Variants in MZT2A observed in about 807,000 individuals in gnomAD.
MZT2A encodes the protein mitotic-spindle organizing protein 2A.
Under a neutral mutation model 12.4 loss-of-function variants are expected in MZT2A, and 8 were observed. The ratio of observed to expected loss-of-function variants is 0.64; its 90% confidence interval spans 0.38 to 1.16. The LOEUF is 1.16. Among genes scored for constraint, MZT2A ranks in the 50% most tolerant of loss-of-function variants. The pLI, the probability that MZT2A is intolerant of heterozygous loss-of-function variation, is 0.01. For missense variants in MZT2A, 181 were observed against 223.6 expected, an observed-to-expected ratio of 0.81 and a Z score of 1.22; for synonymous variants, 88 against 107.5, an observed-to-expected ratio of 0.82 and a Z score of 1.12.
At chr2:131,493,253 C>T, upstream of MZT2A, 1 of 1,348,086 alleles carries the variant, frequency 7.4e-7, no homozygotes, top group South Asian at 1.9e-5. Context: ...GGCGGCCCGG[C>T]GGCTCTGCCC....
intron 2 of MZT2A, among the ~76,000 whole-genome samples, chr2:131,477,630 G>A (rs2105268598): frequency 6.6e-6 from 1 of 151,048 alleles, no homozygotes; most frequent in East Asian, 1.9e-4. Flanking sequence ...CAGAGGGCGA[G>A]GAAGGCCTCT....
At chr2:131,479,163 C>T (rs1039605659), downstream of MZT2A, 5 of 1,346,490 alleles carry the variant, frequency 3.7e-6, no homozygotes, top group African/African-American at 5.8e-5. Flanking sequence ...ACATTTTCTA[C>T]CAGACACTGC....
At chr2:131,489,880 T>G (rs746086045) in intron 2 of MZT2A, 35 of 972,104 alleles carry the variant, frequency 3.6e-5, no homozygotes, top group East Asian at 3.5e-4. Flanking sequence ...TGCCACGCCC[T>G]CTGCCCTGAG....
At chr2:131,491,200 T>C (rs1012522892) in intron 2 of MZT2A, 19 of 458,134 alleles carry the variant, frequency 4.1e-5, no homozygotes, top group Admixed American at 1.3e-4. Flanking sequence ...GGCTCCACCA[T>C]GACACTCTCA....
chr2:131,479,746 AG>A, downstream of MZT2A, among the ~76,000 whole-genome samples: 1 of 152,148 alleles, frequency 6.6e-6, no homozygotes, highest in Non-Finnish European at 1.5e-5. Flanking sequence ...AGGCTGAGGC[AG>A]GAGAATTGCT....
At chr2:131,487,064 G>C (rs1163583829) in intron 2 of MZT2A, among the ~76,000 whole-genome samples, 2 of 152,142 alleles carry the variant, frequency 1.3e-5, no homozygotes, top group East Asian at 3.9e-4. Context: ...CTAGACAGTG[G>C]GATTGAACCA....
chr2:131,489,078 C>T (rs1454934094), intron 2 of MZT2A, among the ~76,000 whole-genome samples: 2 of 152,250 alleles, frequency 1.3e-5, no homozygotes, highest in African/African-American at 4.8e-5. Context: ...CCCACTGCCC[C>T]AGCTCACACG....
At chr2:131,491,699 A>G (rs1400694017) in intron 2 of MZT2A, 177 bp downstream of exon 2, 1 of 811,026 alleles carries the variant, frequency 1.2e-6, no homozygotes, top group Non-Finnish European at 1.9e-6. Context: ...CGTGCCTCCT[A>G]AGGCTGGCAG....
upstream of MZT2A, chr2:131,492,556 A>G (rs1679385999): frequency 8.8e-7 from 1 of 1,142,290 alleles, no homozygotes; most frequent in South Asian, 3.1e-5. Context: ...GTGGGCGCTC[A>G]CGGTGTGCTG....
At chr2:131,483,542 C>T (rs183222447), downstream of MZT2A, among the ~76,000 whole-genome samples, 18 of 151,984 alleles carry the variant, frequency 1.2e-4, no homozygotes, top group East Asian at 1.9e-3. Context: ...GGTGAAACCC[C>T]GTCTCTACTA....
chr2:131,490,459 T>C (rs1294429487), intron 2 of MZT2A: 2 of 1,363,902 alleles, frequency 1.5e-6, no homozygotes, highest in East Asian at 2.9e-5. Context: ...CACTCACCAC[T>C]AGTTCGCCTC....
chr2:131,484,261 C>T (rs1417747635), intron 2 of MZT2A, 43 bp from the exon 3 acceptor site: 21 of 1,598,508 alleles, frequency 1.3e-5, no homozygotes, highest in Non-Finnish European at 1.7e-5. Flanking sequence ...GGACGCGCCC[C>T]ATAAATGCAG....
intron 2 of MZT2A, chr2:131,490,066 C>T: frequency 2.3e-6 from 2 of 866,820 alleles, no homozygotes; most frequent in Non-Finnish European, 2.8e-6. Flanking sequence ...AGGCCCTCTC[C>T]ACCCTCTCTT....
downstream of MZT2A, chr2:131,482,535 T>C (rs755615338): frequency 3.8e-6 from 6 of 1,592,844 alleles, no homozygotes; most frequent in Admixed American, 8.7e-5. Context: ...GACTGCTTTC[T>C]TTCCCTTCTC....
chr2:131,492,936 C>T, upstream of MZT2A: 2 of 1,525,386 alleles, frequency 1.3e-6, no homozygotes, highest in Non-Finnish European at 8.8e-7. Flanking sequence ...GCACTCCTGC[C>T]TCGCCATTTC....
chr2:131,490,775 G>C (rs1458863762), intron 2 of MZT2A: 25 of 1,549,846 alleles, frequency 1.6e-5, no homozygotes, highest in Non-Finnish European at 2.1e-5. Flanking sequence ...TGGAGAGAGA[G>C]GTGAGTGTGT....
downstream of MZT2A, chr2:131,479,188 G>C (rs1053458466): frequency 7.0e-7 from 1 of 1,431,956 alleles, no homozygotes; most frequent in African/African-American, 1.4e-5. Flanking sequence ...GTTGACCTAT[G>C]ACATGTAGGT....
At chr2:131,482,363 G>C (rs1336696982), downstream of MZT2A, among the ~76,000 whole-genome samples, 2 of 152,208 alleles carry the variant, frequency 1.3e-5, no homozygotes, top group African/African-American at 4.8e-5. Context: ...TACCTCCAAG[G>C]TTCCTTTCTC....
At chr2:131,492,966 C>T, upstream of MZT2A, 2 of 1,525,226 alleles carry the variant, frequency 1.3e-6, no homozygotes, top group Non-Finnish European at 1.8e-6. Flanking sequence ...GCCGGCCGGC[C>T]GGCCTTCTTC....
Sources: gnomAD v4.1 joint callset for allele counts (sites outside exome capture counted in the v4.1 genomes callset) on GRCh38, gnomAD v4.1.1 for gene constraint, MANE v1.5 for transcripts, NCBI Gene and HGNC (gene_info 2026-07-23, HGNC 2026-07-21) for gene names.